The following EVA1C variants were observed in gnomAD, a reference collection of about 807,000 sequenced individuals.
EVA1C encodes eva-1 homolog C, also known as protein eva-1 homolog C.
Under a neutral mutation model 45.4 loss-of-function variants are expected in EVA1C, and 25 were observed. The ratio of observed to expected loss-of-function variants is 0.55; its 90% confidence interval spans 0.40 to 0.77. The LOEUF is 0.77. Ranked by LOEUF, EVA1C falls within the 30% of genes least tolerant of loss-of-function variation. The pLI is 0.00. For synonymous variants in EVA1C, 190 were observed against 221.2 expected, an observed-to-expected ratio of 0.86 and a Z score of 1.25; for missense variants, 479 against 554.8, an observed-to-expected ratio of 0.86 and a Z score of 1.37.
chr21:32,429,019 T>C (rs1295166004), intron 1 of EVA1C, among the ~76,000 whole-genome samples: 1 of 146,166 alleles, frequency 6.8e-6, no homozygotes, highest in South Asian at 2.1e-4. Context: ...TATTTTTATT[T>C]ATTTATTTAT....
At chr21:32,420,454 G>A (rs767448976) in intron 1 of EVA1C, among the ~76,000 whole-genome samples, 1 of 152,180 alleles carries the variant, frequency 6.6e-6, no homozygotes, top group African/African-American at 2.4e-5. Flanking sequence ...GTGCAATCAC[G>A]GCTCACTGCA....
At chr21:32,423,499 T>C (rs2034369280) in intron 1 of EVA1C, among the ~76,000 whole-genome samples, 1 of 152,096 alleles carries the variant, frequency 6.6e-6, no homozygotes, top group Non-Finnish European at 1.5e-5. Context: ...CAGAGGAGTT[T>C]GAGGGATGAG....
intron 7 of EVA1C, among the ~76,000 whole-genome samples, chr21:32,505,940 C>T (rs780384334): frequency 6.6e-6 from 1 of 152,000 alleles, no homozygotes; most frequent in Non-Finnish European, 1.5e-5. Flanking sequence ...CACTTGAAGC[C>T]GGTGGTCAGA....
intron 1 of EVA1C, among the ~76,000 whole-genome samples, chr21:32,449,807 G>A (rs2035511876): frequency 6.6e-6 from 1 of 151,964 alleles, no homozygotes; most frequent in African/African-American, 2.4e-5. Flanking sequence ...ATTTTTAGTA[G>A]AGACGGAATT....
intron 5 of EVA1C, among the ~76,000 whole-genome samples, chr21:32,499,620 A>T (rs2037465384): frequency 6.6e-6 from 1 of 152,242 alleles, no homozygotes; most frequent in Non-Finnish European, 1.5e-5. Flanking sequence ...CTTGCTGCTG[A>T]AGATGCCTCA....
intron 1 of EVA1C, among the ~76,000 whole-genome samples, chr21:32,426,643 A>G (rs2034498177): frequency 1.3e-5 from 2 of 152,100 alleles, no homozygotes; most frequent in South Asian, 4.1e-4. Context: ...TTGTGTGGTC[A>G]TGGGGCTAAG....
chr21:32,437,543 C>T (rs1286817312), intron 1 of EVA1C, among the ~76,000 whole-genome samples: 1 of 152,228 alleles, frequency 6.6e-6, no homozygotes, highest in Non-Finnish European at 1.5e-5. Flanking sequence ...GACTTCTTAG[C>T]AAGGCACTGC....
In EVA1C at chr21:32,501,125, T is replaced by C. The variant is rs370473572; in HGVS notation, c.779-290T>C. 8.2e-4 allele frequency among the ~76,000 whole-genome samples: 125 copies of C among 152,318 alleles called. 2 individuals carry two copies. The South Asian group carries it at 0.026, about 31-fold the overall frequency. On this transcript the variant is annotated intron_variant, in intron 5 of 7. Transcript: ENST00000300255. ...ACCATGCTGGGCCTTCATTCCGTTT[T>C]ATTATGAGGTGTATTCTGCTAGATG...
chr21:32,515,378 G>T lies in EVA1C; in HGVS notation c.*188G>T. ...TAGCACATTCCAAAATAAATGAGGA[G>T]GGAAGAGTCTTTGTTTTCTGTATTT... On this transcript the variant is annotated 3_prime_UTR_variant, in exon 8 of 8. Coordinates refer to ENST00000300255, the MANE Select transcript of EVA1C (RefSeq NM_058187.5). The T allele has an allele frequency of 2.1e-6, 1 of 477,092 alleles. No homozygotes were observed. Among genetic ancestry groups the T allele is most frequent in the Admixed American group, 3.8e-5 (1 of 26,308 alleles). The allele number at this position is 477,092 out of a possible 1,614,324, so 29.6% of individuals were successfully genotyped here.
At chr21:32,497,551 A>C (rs557286226) in intron 5 of EVA1C, among the ~76,000 whole-genome samples, 1 of 152,206 alleles carries the variant, frequency 6.6e-6, no homozygotes, top group Non-Finnish European at 1.5e-5. Context: ...ATTCTGTACA[A>C]TAACATTTAC....
chr21:32,453,113 G>A (rs2035644530), intron 1 of EVA1C, 199 bp from the exon 2 acceptor site: 1 of 499,546 alleles, frequency 2.0e-6, no homozygotes, highest in Non-Finnish European at 3.6e-6. Context: ...ATGTCAACAT[G>A]AAAGCTGACA....
chr21:32,509,455 G>C (rs1316239144), intron 7 of EVA1C, among the ~76,000 whole-genome samples: 1 of 152,304 alleles, frequency 6.6e-6, no homozygotes, highest in South Asian at 2.1e-4. Flanking sequence ...CACCTCCCAG[G>C]AGAAGAGGAG....
At chr21:32,472,334 T>C (rs527713165) in intron 4 of EVA1C, among the ~76,000 whole-genome samples, 3 of 152,218 alleles carry the variant, frequency 2.0e-5, no homozygotes, top group African/African-American at 7.2e-5. Context: ...AATTTTTGTA[T>C]TTTTAGTAGA....
At chr21:32,506,504 T>C (rs2037726317) in intron 7 of EVA1C, among the ~76,000 whole-genome samples, 1 of 151,946 alleles carries the variant, frequency 6.6e-6, no homozygotes, top group African/African-American at 2.4e-5. Flanking sequence ...AGAAAGAGTC[T>C]CTAAATGCAC....
At chr21:32,482,223 G>A (rs1036227628) in intron 4 of EVA1C, among the ~76,000 whole-genome samples, 4 of 152,168 alleles carry the variant, frequency 2.6e-5, no homozygotes, top group African/African-American at 4.8e-5. Flanking sequence ...GGTCTTCCGG[G>A]ACCTTAAACA....
At chr21:32,431,762 A>G (rs1428265555) in intron 1 of EVA1C, among the ~76,000 whole-genome samples, 1 of 152,160 alleles carries the variant, frequency 6.6e-6, no homozygotes, top group Non-Finnish European at 1.5e-5. Context: ...CATTTGCTTT[A>G]TTATTTTCTA....
At chr21:32,414,803 G>A (rs2033972159) in intron 1 of EVA1C, among the ~76,000 whole-genome samples, 2 of 152,048 alleles carry the variant, frequency 1.3e-5, no homozygotes, top group African/African-American at 2.4e-5. Flanking sequence ...CACCCACAAC[G>A]AGCCCCCATT....
intron 4 of EVA1C, among the ~76,000 whole-genome samples, chr21:32,475,642 A>T (rs746693853): frequency 1.3e-4 from 20 of 152,036 alleles, no homozygotes; most frequent in Non-Finnish European, 1.9e-4. Context: ...ACTTCCTAAT[A>T]TCTTGTTAAA....
At chr21:32,477,849 C>G (rs866624453) in intron 4 of EVA1C, among the ~76,000 whole-genome samples, 1 of 30,360 alleles carries the variant, frequency 3.3e-5, no homozygotes, top group Non-Finnish European at 5.7e-5. Flanking sequence ...CCTCACCTCC[C>G]CCGTACGCCC....
Sources: gnomAD v4.1 joint callset for allele counts (sites outside exome capture counted in the v4.1 genomes callset) on GRCh38, gnomAD v4.1.1 for gene constraint, MANE v1.5 for transcripts, NCBI Gene and HGNC (gene_info 2026-07-23, HGNC 2026-07-21) for gene names.